SPATA12: variants seen among roughly 807,000 people sequenced by gnomAD.
SPATA12 encodes the protein spermatogenesis associated 12.
For missense variants in SPATA12, 219 were observed against 226.4 expected, an observed-to-expected ratio of 0.97 and a Z score of 0.21; for synonymous variants, 85 against 89.2, an observed-to-expected ratio of 0.95 and a Z score of 0.26.
intron 1 of SPATA12, among the ~76,000 whole-genome samples, chr3:57,066,256 C>T (rs1705528709): frequency 6.6e-6 from 1 of 151,552 alleles, no homozygotes; most frequent in African/African-American, 2.4e-5. Flanking sequence ...AACCATTACA[C>T]TTTTCCTTTC....
At chr3:57,068,827 A>G (rs1296514480) in intron 1 of SPATA12, among the ~76,000 whole-genome samples, 2 of 152,034 alleles carry the variant, frequency 1.3e-5, no homozygotes, top group African/African-American at 4.8e-5. Flanking sequence ...ACACACGCAC[A>G]CACCCCCCTC....
intron 1 of SPATA12, among the ~76,000 whole-genome samples, chr3:57,072,093 T>C (rs1358629356): frequency 3.3e-5 from 5 of 151,870 alleles, no homozygotes; most frequent in African/African-American, 1.2e-4. Flanking sequence ...CCACTTAGGA[T>C]GGCAATAATC....
Position 57,073,386 on chromosome 3 carries a change from G to A in SPATA12, c.-309G>A. ...TCTAGCCAAAAGGGAAGGAAAGAGA[G>A]AGAAAGCCACTGGAGTTGGGCAGCG... On this transcript the variant is annotated 5_prime_UTR_variant, in exon 2 of 2. Transcript: ENST00000334325. 3.2e-6 allele frequency: 1 copy of A among 309,592 alleles called. No individual in the cohort carries two copies. Among genetic ancestry groups the A allele is most frequent in the Non-Finnish European group, 6.0e-6 (1 of 167,932 alleles). The allele number at this position is 309,592 out of a possible 1,614,324, so 19.2% of individuals were successfully genotyped here.
chr3:57,068,594 G>C (rs1329309951), intron 1 of SPATA12, among the ~76,000 whole-genome samples: 3 of 152,192 alleles, frequency 2.0e-5, no homozygotes, highest in African/African-American at 7.2e-5. Context: ...GAGTTTGCAA[G>C]ACTGCACAGG....
chr3:57,070,344 T>A (rs1676285564), intron 1 of SPATA12, among the ~76,000 whole-genome samples: 1 of 152,316 alleles, frequency 6.6e-6, no homozygotes, highest in East Asian at 1.9e-4. Flanking sequence ...AAGCCTTAAA[T>A]TAGACACTAC....
rs1488942764 is a variant in SPATA12, at chr3:57,074,259, C to T, written c.565C>T (p.His189Tyr). ...ATACTCCAACACACACATACACACA[C>T]ATCTGTAATCAATAATAATCCTGCA... Reference protein sequence around the residue: ...TVYSNTHIHTHL With the variant: ...TVYSNTHIHTYL The change falls in exon 2 of 2, where the codon CAT (histidine) becomes TAT (tyrosine). Residue 189 changes from histidine (H) to tyrosine (Y), a missense_variant. Transcript: ENST00000334325. 6.2e-7 allele frequency: 1 copy of T among 1,608,016 alleles called. No individual in the cohort carries two copies. Among genetic ancestry groups the T allele is most frequent in the Non-Finnish European group, 8.5e-7 (1 of 1,175,676 alleles).
At chr3:57,068,157 G>GCACA (rs1331268015) in intron 1 of SPATA12, among the ~76,000 whole-genome samples, 3 of 80,072 alleles carry the variant, frequency 3.7e-5, no homozygotes, top group Admixed American at 3.1e-4. Flanking sequence ...AGATATGCGC[G>GCACA]CACACACACA....
chr3:57,075,085 G>C lies in SPATA12; in HGVS notation c.*818G>C, dbSNP rs1201519009. 1.8e-5 allele frequency: 3 copies of C among 167,100 alleles called. No individual in the cohort carries two copies. The highest frequency in any genetic ancestry group is 1.3e-4 in the Admixed American group (2 of 15,270). 10.4% of individuals were successfully genotyped at this position (167,100 alleles called of 1,614,324 possible). A position where few individuals can be genotyped will look rare whatever the true frequency, so the allele number is the denominator to read the frequency against. On this transcript the variant is annotated 3_prime_UTR_variant, in exon 2 of 2. Coordinates refer to ENST00000334325, the MANE Select transcript of SPATA12 (RefSeq NM_181727.2). ...CACAACATTGGGCTCCATATGCATG[G>C]AATGAGGTTGCATGCAATTGTCCAT...
At chr3:57,069,376 AAC>A (rs147675971) in intron 1 of SPATA12, among the ~76,000 whole-genome samples, 32,426 of 146,268 alleles carry the variant, frequency 0.22, 3,516 homozygotes, top group Middle Eastern at 0.24. Context: ...CTGTCTCTCA[AAC>A]ACACACACAC....
chr3:57,072,872 C>T (rs1025980463), intron 1 of SPATA12, among the ~76,000 whole-genome samples: 2 of 152,010 alleles, frequency 1.3e-5, no homozygotes, highest in African/African-American at 4.8e-5. Flanking sequence ...TGGTGAAACC[C>T]CATCTCTACT....
intron 1 of SPATA12, among the ~76,000 whole-genome samples, chr3:57,069,839 C>A (rs576298184): frequency 4.4e-4 from 67 of 152,200 alleles, no homozygotes; most frequent in Non-Finnish European, 7.5e-4. Context: ...GAAATAGAGT[C>A]TCGCTTTGCT....
At position 57,073,551 on chromosome 3, in the gene SPATA12, T is replaced by C. The variant is rs374440726; in HGVS notation, c.-144T>C. 2.4e-4 allele frequency: 323 copies of C among 1,352,534 alleles called. 1 individual carries two copies. The African/African-American group carries it at 3.5e-3, about 15-fold the overall frequency. 83.8% of individuals were successfully genotyped at this position (1,352,534 alleles called of 1,614,324 possible). On this transcript the variant is annotated 5_prime_UTR_variant, in exon 2 of 2. Transcript: ENST00000334325. ...GCTCTGTTTGAGCACCCCGGGATGATTGGTGGTGGGGTGTGGCTGAAGGTG... is the reference window on the plus strand; with the variant it reads ...GCTCTGTTTGAGCACCCCGGGATGACTGGTGGTGGGGTGTGGCTGAAGGTG...
At chr3:57,064,064 C>G (rs576397360) in intron 1 of SPATA12, among the ~76,000 whole-genome samples, 2 of 152,198 alleles carry the variant, frequency 1.3e-5, no homozygotes, top group East Asian at 3.9e-4. Flanking sequence ...CTCAGGGGCT[C>G]GAGACCAGCC....
chr3:57,073,573 G>C lies in SPATA12; in HGVS notation c.-122G>C. ...TGATTGGTGGTGGGGTGTGGCTGAAGGTGAATTGGAACAGTGCACTCAGAG... is the reference window on the plus strand; with the variant it reads ...TGATTGGTGGTGGGGTGTGGCTGAACGTGAATTGGAACAGTGCACTCAGAG... On this transcript the variant is annotated 5_prime_UTR_variant, in exon 2 of 2. Transcript: ENST00000334325. The C allele has an allele frequency of 3.5e-6, 5 of 1,439,112 alleles. No homozygotes were observed. The highest frequency in any genetic ancestry group is 4.6e-6 in the Non-Finnish European group (5 of 1,097,118). 89.1% of individuals were successfully genotyped at this position (1,439,112 alleles called of 1,614,324 possible).
intron 1 of SPATA12, among the ~76,000 whole-genome samples, chr3:57,063,671 G>C (rs1167860912): frequency 6.6e-6 from 1 of 152,186 alleles, no homozygotes; most frequent in Non-Finnish European, 1.5e-5. Flanking sequence ...GTGAGACAAG[G>C]CTTCGAGGAA....
At chr3:57,069,200 C>T (rs1705738831) in intron 1 of SPATA12, among the ~76,000 whole-genome samples, 1 of 152,178 alleles carries the variant, frequency 6.6e-6, no homozygotes, top group Non-Finnish European at 1.5e-5. Flanking sequence ...GGATTACAGG[C>T]GTGAGCCACC....
intron 1 of SPATA12, among the ~76,000 whole-genome samples, chr3:57,065,760 G>A (rs963717873): frequency 1.3e-5 from 2 of 152,138 alleles, no homozygotes. Flanking sequence ...GGTAGCCTGC[G>A]GAACAGGAGA....
chr3:57,070,324 T>TTAGACTAATTCAGGGTAATTTAAG (rs371403284), intron 1 of SPATA12, among the ~76,000 whole-genome samples: 3,832 of 152,312 alleles, frequency 0.025, 179 homozygotes, highest in African/African-American at 0.085. Context: ...AGGAGTTAAA[T>TTAGACTAATTCAGGGTAATTTAAG]GTCTTACCCA....
At chr3:57,064,691 G>C (rs758079266) in intron 1 of SPATA12, among the ~76,000 whole-genome samples, 9 of 152,140 alleles carry the variant, frequency 5.9e-5, no homozygotes, top group Admixed American at 1.3e-4. Flanking sequence ...AGTCACAAAA[G>C]GACAAATATG....
Sources: allele counts gnomAD v4.1 joint callset (sites outside exome capture counted in the v4.1 genomes callset), GRCh38; gene constraint gnomAD v4.1.1; transcripts MANE v1.5; gene names NCBI Gene and HGNC (gene_info 2026-07-23, HGNC 2026-07-21).